Variants in SRPK2 observed in about 807,000 individuals in gnomAD.
SRPK2 encodes SFRS protein kinase 2.
Under a neutral mutation model 90.8 loss-of-function variants are expected in SRPK2, and 21 were observed. That is an observed-to-expected ratio of 0.23 (90% CI 0.16 to 0.33). The LOEUF is 0.33. Ranked by LOEUF, SRPK2 falls within the 10% of genes least tolerant of loss-of-function variation. SRPK2 has a pLI of 1.00. For synonymous variants in SRPK2, 288 were observed against 311.1 expected (o/e 0.93, Z 0.78); for missense variants, 620 against 869.0 (o/e 0.71, Z 3.60).
chr7:105,186,822 G>A (rs1793638987), intron 3 of SRPK2, among the ~76,000 whole-genome samples: 1 of 152,224 alleles, frequency 6.6e-6, no homozygotes, highest in African/African-American at 2.4e-5. Context: ...TAAGTTGCCA[G>A]GTAGGAAGTA....
At chr7:105,356,244 A>G (rs1585861340) in intron 2 of SRPK2, among the ~76,000 whole-genome samples, 1 of 152,094 alleles carries the variant, frequency 6.6e-6, no homozygotes, top group Non-Finnish European at 1.5e-5. Flanking sequence ...AGGCCCTAAG[A>G]TTAGCTCTGG....
intron 2 of SRPK2, among the ~76,000 whole-genome samples, chr7:105,267,657 CCT>C (rs371308917): frequency 6.0e-4 from 92 of 152,218 alleles, no homozygotes; most frequent in East Asian, 5.8e-4. Context: ...AGCTTTTTCC[CCT>C]GATTATACTA....
At chr7:105,205,138 T>C (rs1339053242) in intron 2 of SRPK2, among the ~76,000 whole-genome samples, 2 of 152,052 alleles carry the variant, frequency 1.3e-5, no homozygotes, top group African/African-American at 2.4e-5. Context: ...CCTTGCCCAA[T>C]CTGAGAGCCT....
In SRPK2 at chr7:105,383,260, C is replaced by T. The variant is rs185455211; in HGVS notation, c.71+5388G>A. 4.7e-3 allele frequency among the ~76,000 whole-genome samples: 705 copies of T among 150,554 alleles called. 12 individuals carry two copies. The East Asian group carries it at 0.056, about 12-fold the overall frequency. The stretch of plus-strand genomic sequence containing the variant: ...TTTGTATTTTTTTTTTTAGTAGAGA[C>T]GGGGTTTCACCGTAGCCAGGATGGT... On this transcript the variant is annotated intron_variant, in intron 2 of 15. Transcript: ENST00000393651.
intron 3 of SRPK2, among the ~76,000 whole-genome samples, chr7:105,200,512 CG>C (rs1438402089): frequency 2.6e-5 from 4 of 151,572 alleles, no homozygotes; most frequent in African/African-American, 9.7e-5. Flanking sequence ...GGGGTGGCGG[CG>C]GGGGTAGGGA....
At chr7:105,229,099 G>C (rs1048562952) in intron 2 of SRPK2, among the ~76,000 whole-genome samples, 2 of 152,184 alleles carry the variant, frequency 1.3e-5, no homozygotes, top group Admixed American at 1.3e-4. Flanking sequence ...GGGAACTGCA[G>C]TGAGTTCAAC....
chr7:105,126,964 C>G (rs199707529), intron 14 of SRPK2, 29 bp downstream of exon 14: 7 of 1,610,580 alleles, frequency 4.3e-6, no homozygotes, highest in East Asian at 2.2e-5. Context: ...AGACCTAGAC[C>G]GAGGTATTCA....
At chr7:105,166,801 C>T (rs2214928) in intron 6 of SRPK2, among the ~76,000 whole-genome samples, 123,767 of 152,160 alleles carry the variant, frequency 0.81, 51,059 homozygotes, top group Non-Finnish European at 0.88. Flanking sequence ...TGTTTCCATA[C>T]TCACCTGACA....
chr7:105,303,877 T>C (rs1563215945), intron 2 of SRPK2, among the ~76,000 whole-genome samples: 1 of 152,164 alleles, frequency 6.6e-6, no homozygotes, highest in Non-Finnish European at 1.5e-5. Flanking sequence ...TTGGAAGAAA[T>C]TTTCACCAAG....
chr7:105,228,463 T>A (rs936497089), intron 2 of SRPK2, among the ~76,000 whole-genome samples: 9 of 152,298 alleles, frequency 5.9e-5, no homozygotes, highest in African/African-American at 2.2e-4. Context: ...AATAAAAAGT[T>A]CTTTAGATGT....
At chr7:105,360,080 G>A (rs764927617) in intron 2 of SRPK2, among the ~76,000 whole-genome samples, 16 of 152,138 alleles carry the variant, frequency 1.1e-4, no homozygotes, top group Non-Finnish European at 2.1e-4. Flanking sequence ...GGTGCATACA[G>A]ATTTAGGATA....
chr7:105,375,983 CTTT>C (rs34445430), intron 2 of SRPK2, among the ~76,000 whole-genome samples: 2 of 63,144 alleles, frequency 3.2e-5, no homozygotes, highest in Non-Finnish European at 5.6e-5. Flanking sequence ...GAATTCATTT[CTTT>C]TTTTTTTTTT....
At chr7:105,190,671 T>C (rs528722755) in intron 3 of SRPK2, among the ~76,000 whole-genome samples, 35 of 152,312 alleles carry the variant, frequency 2.3e-4, no homozygotes, top group African/African-American at 7.9e-4. Context: ...TGTTAGACTA[T>C]CAGGTGTGGC....
chr7:105,117,748 T>C lies in SRPK2; in HGVS notation c.*90A>G, dbSNP rs1799767783. The C allele has an allele frequency of 7.1e-7, 1 of 1,417,654 alleles. No individual in the cohort carries two copies. Among genetic ancestry groups the C allele is most frequent in the Non-Finnish European group, 9.8e-7 (1 of 1,022,082 alleles). The allele number at this position is 1,417,654 out of a possible 1,614,324, so 87.8% of individuals were successfully genotyped here. On this transcript the variant is annotated 3_prime_UTR_variant, in exon 16 of 16. Transcript: ENST00000393651. Reference sequence around the variant, plus strand: ...AGGTCTGAGGATGAAGCCAGCTCACTTGTAATCCTGTTAAAGAATGAGAGT... The same window carrying C: ...AGGTCTGAGGATGAAGCCAGCTCACCTGTAATCCTGTTAAAGAATGAGAGT...
At chr7:105,174,411 C>T (rs1174077799) in intron 3 of SRPK2, among the ~76,000 whole-genome samples, 1 of 152,038 alleles carries the variant, frequency 6.6e-6, no homozygotes, top group African/African-American at 2.4e-5. Context: ...AACAAAGTCT[C>T]TTTATTTTCT....
intron 2 of SRPK2, among the ~76,000 whole-genome samples, chr7:105,321,865 T>C (rs933804852): frequency 2.6e-5 from 4 of 152,208 alleles, no homozygotes; most frequent in African/African-American, 9.6e-5. Context: ...TATAAAATGG[T>C]ATCTTTTCTA....
intron 2 of SRPK2, among the ~76,000 whole-genome samples, chr7:105,256,919 AGT>A: frequency 6.6e-6 from 1 of 152,226 alleles, no homozygotes; most frequent in African/African-American, 2.4e-5. Flanking sequence ...TTTTAAAGTA[AGT>A]TTCCCAGAAG....
chr7:105,153,946 G>A lies in SRPK2; in HGVS notation c.621+6561C>T, dbSNP rs76347969. 3.1e-3 allele frequency among the ~76,000 whole-genome samples: 469 copies of A among 152,302 alleles called. 14 individuals carry two copies. The East Asian group carries it at 0.062, about 20-fold the overall frequency. ...TTCCACTAGATTTCCCTTCCACAGTGAAACACACAAGGCAGGTCCCACCAA... is the reference window on the plus strand; with the variant it reads ...TTCCACTAGATTTCCCTTCCACAGTAAAACACACAAGGCAGGTCCCACCAA... On this transcript the variant is annotated intron_variant, in intron 7 of 15. Coordinates refer to ENST00000393651, the MANE Select transcript of SRPK2 (RefSeq NM_182692.3).
upstream of SRPK2, among the ~76,000 whole-genome samples, chr7:105,391,004 C>G (rs1353146168): frequency 6.6e-6 from 1 of 151,962 alleles, no homozygotes; most frequent in Non-Finnish European, 1.5e-5. Context: ...GTACCTTTTC[C>G]CTCTGTATTT....
Sources: gnomAD v4.1 joint callset for allele counts (sites outside exome capture counted in the v4.1 genomes callset) on GRCh38, gnomAD v4.1.1 for gene constraint, MANE v1.5 for transcripts, NCBI Gene and HGNC (gene_info 2026-07-23, HGNC 2026-07-21) for gene names.